Variants in ACSM3 observed in about 807,000 individuals in gnomAD.
ACSM3 encodes acyl-coenzyme A synthetase ACSM3, mitochondrial.
Under a neutral mutation model 74.1 loss-of-function variants are expected in ACSM3, and 61 were observed. The ratio of observed to expected loss-of-function variants is 0.82; its 90% confidence interval spans 0.67 to 1.02. The LOEUF (loss-of-function observed/expected upper bound fraction) is 1.02. Among genes scored for constraint, ACSM3 ranks in the 50% least tolerant of loss-of-function variants. The pLI is 0.00. For missense variants in ACSM3, 660 were observed against 697.0 expected, an observed-to-expected ratio of 0.95 and a Z score of 0.60; for synonymous variants, 213 against 241.5, an observed-to-expected ratio of 0.88 and a Z score of 1.09.
chr16:20,774,334 C>T (rs539885241), intron 2 of ACSM3, among the ~76,000 whole-genome samples: 17 of 151,790 alleles, frequency 1.1e-4, no homozygotes, highest in African/African-American at 3.1e-4. Context: ...CTCCGCCTCC[C>T]GGGTTCAAGC....
rs1393325822 is a variant in ACSM3, at chr16:20,792,003, A to G, written c.1328A>G (p.Asp443Gly). The change falls in exon 11 of 14, where the codon GAT becomes GGT. Residue 443 changes from aspartate to glycine, a missense_variant and splice_region_variant. Physicochemically the swap from Asp to Gly is moderately conservative, Grantham distance 94. Transcript: ENST00000289416. Reference protein sequence around the residue: ...RPFGLFTHYVDNPSKTASTLR... With the variant: ...RPFGLFTHYVGNPSKTASTLR... ...AACAAAATGCTATTTGTTTTGCAGG[A>G]TAATCCTTCAAAAACAGCTTCAACT... is the stretch of plus-strand genomic sequence containing the variant. The G allele has an allele frequency of 6.2e-7, 1 of 1,613,974 alleles. No homozygotes were observed.
chr16:20,753,884 G>GAGAA (rs560843081), intron 2 of ACSM3, among the ~76,000 whole-genome samples: 6 of 142,090 alleles, frequency 4.2e-5, no homozygotes, highest in African/African-American at 1.2e-4. Context: ...AAGAGAGAGA[G>GAGAA]AGAAAGAAAG....
chr16:20,790,502 G>A lies in ACSM3; in HGVS notation c.1225-85G>A, dbSNP rs2080573113. The stretch of plus-strand genomic sequence containing the variant: ...AAGTCTTCATTTTTAAATGGCAAAA[G>A]CCAAAATAAAACTTGCAAAGTTAAT... On this transcript the variant is annotated intron_variant, in intron 9 of 13. Transcript: ENST00000289416. The surrounding 1 kb of genome is among the most constrained non-coding windows in gnomAD (Gnocchi z 4.0). 1.5e-6 allele frequency: 2 copies of A among 1,365,470 alleles called. No homozygotes were observed. The highest frequency in any genetic ancestry group is 2.4e-5 in the East Asian group (1 of 41,988). 84.6% of individuals were successfully genotyped at this position (1,365,470 alleles called of 1,614,324 possible). A position where few individuals can be genotyped will look rare whatever the true frequency, so the allele number is the denominator to read the frequency against.
chr16:20,741,592 A>C (rs1475171068), intron 1 of ACSM3: 1 of 1,573,182 alleles, frequency 6.4e-7, no homozygotes, highest in South Asian at 1.2e-5. Context: ...TTCATATTGC[A>C]GGTGATGAGG....
chr16:20,714,055 G>T (rs960279624), intron 1 of ACSM3, among the ~76,000 whole-genome samples: 1 of 152,102 alleles, frequency 6.6e-6, no homozygotes, highest in African/African-American at 2.4e-5. Context: ...TATTCATAAT[G>T]GATGAGGGAA....
At chr16:20,690,849 T>C in intron 1 of ACSM3, 1 of 719,976 alleles carries the variant, frequency 1.4e-6, no homozygotes, top group Non-Finnish European at 2.2e-6. Context: ...AGGCTGGGAA[T>C]AGAACCTTGA....
At chr16:20,679,249 C>T (rs1199396285) in intron 1 of ACSM3, 2 of 152,210 alleles carry the variant, frequency 1.3e-5, no homozygotes, top group African/African-American at 2.4e-5. Context: ...ACCAACAAGA[C>T]CCTGATTGCC....
chr16:20,694,260 G>A (rs1387055110), intron 1 of ACSM3, among the ~76,000 whole-genome samples: 1 of 152,210 alleles, frequency 6.6e-6, no homozygotes, highest in African/African-American at 2.4e-5. Context: ...GCAGTAGGGT[G>A]GATGCGTCAG....
At chr16:20,780,255 G>A (rs2080323932) in intron 4 of ACSM3, 3 of 202,034 alleles carry the variant, frequency 1.5e-5, no homozygotes, top group East Asian at 2.7e-4. Context: ...CCAGTAGGCT[G>A]TAGTGTGTTG....
chr16:20,742,813 A>ATATTTTTT lies in ACSM3; in HGVS notation c.-189-7096_-189-7095insATTTTTTT, dbSNP rs61582869. Among the ~76,000 whole-genome samples, 305 of 66,798 alleles carry ATATTTTTT rather than the reference A, an allele frequency of 4.6e-3. 2 individuals carry two copies. Among genetic ancestry groups the ATATTTTTT allele is most frequent in the African/African-American group, 0.012 (278 of 23,350 alleles). The allele number at this position is 66,798 out of a possible 152,430, so 43.8% of individuals were successfully genotyped here. A position where few individuals can be genotyped will look rare whatever the true frequency, so the allele number is the denominator to read the frequency against. On this transcript the variant is annotated intron_variant, in intron 1 of 3. Coordinates refer to the ACSM3 transcript ENST00000561584. ...TGTAAATATATATATATATATATAT[A>ATATTTTTT]TTTTTTTTTTTTCCCTTCTCCCCTT... is the stretch of plus-strand genomic sequence containing the variant.
chr16:20,696,776 T>C (rs576596029), intron 1 of ACSM3, among the ~76,000 whole-genome samples: 1 of 152,352 alleles, frequency 6.6e-6, no homozygotes, highest in African/African-American at 2.4e-5. Flanking sequence ...AACTAAGCTT[T>C]GACTTCACAG....
intron 2 of ACSM3, among the ~76,000 whole-genome samples, chr16:20,772,329 T>G (rs575024437): frequency 9.1e-4 from 138 of 152,056 alleles, no homozygotes; most frequent in African/African-American, 3.1e-3. Flanking sequence ...CCTAGGGGAG[T>G]CTCAGAGCCT....
In ACSM3 at chr16:20,742,965, G is replaced by T. The variant is rs866555247; in HGVS notation, c.-189-6945G>T. 3.2e-3 allele frequency among the ~76,000 whole-genome samples: 461 copies of T among 145,110 alleles called. 3 individuals carry two copies. The highest frequency in any genetic ancestry group is 0.014 in the Middle Eastern group (4 of 292). On this transcript the variant is annotated intron_variant, in intron 1 of 3. Transcript: ENST00000561584. ...ATTTTTTTTTTTTTTTTTTGAGATG[G>T]AGTCTCGCTCTGTCGCCCAGGCTGG...
chr16:20,780,137 CACA>C (rs1427402488), intron 4 of ACSM3: 1 of 164,744 alleles, frequency 6.1e-6, no homozygotes, highest in African/African-American at 2.4e-5. Context: ...TCAGTCTCAT[CACA>C]ACTACTCAAC....
intron 1 of ACSM3, among the ~76,000 whole-genome samples, chr16:20,709,747 A>G (rs1362791134): frequency 6.6e-6 from 1 of 152,254 alleles, no homozygotes; most frequent in Non-Finnish European, 1.5e-5. Flanking sequence ...ATTCATAAAT[A>G]AAGTCTCCTT....
chr16:20,750,844 G>GTTTTTTTTTTTT lies in ACSM3; in HGVS notation c.-96+848_-96+859dup, dbSNP rs59655300. 1.4e-4 allele frequency among the ~76,000 whole-genome samples: 16 copies of GTTTTTTTTTTTT among 115,378 alleles called. 2 individuals carry two copies. Among genetic ancestry groups the GTTTTTTTTTTTT allele is most frequent in the Non-Finnish European group, 1.7e-4 (10 of 57,694 alleles). The allele number at this position is 115,378 out of a possible 152,430, so 75.7% of individuals were successfully genotyped here. ...GAGAGAATATAAGTTTTGGAGTCAGGTTTTTTTTTTTTTTTTTTGAAACGG... is the reference window on the plus strand; with the variant it reads ...GAGAGAATATAAGTTTTGGAGTCAGGTTTTTTTTTTTTTTTTTTTTTTTTTTTTTTGAAACGG... On this transcript the variant is annotated intron_variant, in intron 2 of 3. Coordinates refer to the ACSM3 transcript ENST00000561584.
intron 2 of ACSM3, chr16:20,750,077 AT>A (rs1381375171): frequency 6.6e-6 from 1 of 152,234 alleles, no homozygotes; most frequent in Non-Finnish European, 1.5e-5. Context: ...TGATTGTGAA[AT>A]TGTGGAATCA....
intron 13 of ACSM3, 70 bp from the exon 14 acceptor site, chr16:20,796,816 C>T (rs1004891555): frequency 1.9e-5 from 31 of 1,591,666 alleles, no homozygotes; most frequent in African/African-American, 8.2e-5. Context: ...CATAATCAAA[C>T]TGCTATATAA....
chr16:20,759,754 A>ATG (rs2080061786), upstream of ACSM3, among the ~76,000 whole-genome samples: 1 of 152,102 alleles, frequency 6.6e-6, no homozygotes, highest in Non-Finnish European at 1.5e-5. Flanking sequence ...AAATGGGTTG[A>ATG]TGTAAGTGTT....
Sources: allele counts gnomAD v4.1 joint callset (sites outside exome capture counted in the v4.1 genomes callset), GRCh38; gene constraint gnomAD v4.1.1; non-coding constraint Gnocchi (gnomAD v3.1); transcripts MANE v1.5; gene names NCBI Gene and HGNC (gene_info 2026-07-23, HGNC 2026-07-21).